Variants in RFX3 observed in about 807,000 individuals in gnomAD.
The protein encoded by RFX3 is transcription factor RFX3.
RFX3 carries 14 observed loss-of-function variants against 98.6 expected under a neutral mutation model. The ratio of observed to expected loss-of-function variants is 0.14; its 90% CI spans 0.09 to 0.22. The LOEUF is 0.22. RFX3 is among the 10% of genes least tolerant of loss of function. RFX3 has a pLI of 1.00. For synonymous variants in RFX3, 383 were observed against 328.4 expected, an observed-to-expected ratio of 1.17 and a Z score of -1.80; for missense variants, 639 against 926.9, an observed-to-expected ratio of 0.69 and a Z score of 4.03.
At chr9:3,258,780 A>G (rs921011913) in intron 13 of RFX3, among the ~76,000 whole-genome samples, 6 of 151,862 alleles carry the variant, frequency 4.0e-5, no homozygotes, top group African/African-American at 1.4e-4. Flanking sequence ...ACATGCATAT[A>G]GAAATAATTT....
chr9:3,445,207 G>T (rs867240556), intron 1 of RFX3, among the ~76,000 whole-genome samples: 97 of 149,916 alleles, frequency 6.5e-4, no homozygotes, highest in African/African-American at 2.1e-3. Flanking sequence ...TTTCAAATGT[G>T]TATTTGTCTG....
At chr9:3,514,302 A>G (rs770053819) in intron 1 of RFX3, among the ~76,000 whole-genome samples, 2 of 152,236 alleles carry the variant, frequency 1.3e-5, no homozygotes, top group Non-Finnish European at 2.9e-5. Flanking sequence ...TGATTGTTCT[A>G]CAACACCAAG....
chr9:3,301,769 T>G, intron 4 of RFX3, 149 bp from the exon 5 acceptor site: 3 of 516,784 alleles, frequency 5.8e-6, no homozygotes, highest in Non-Finnish European at 1.1e-5. Flanking sequence ...TCTCCCCTTC[T>G]TCCCCACCCT....
chr9:3,297,838 G>A (rs981671212), intron 5 of RFX3, among the ~76,000 whole-genome samples: 2 of 151,990 alleles, frequency 1.3e-5, no homozygotes, highest in Admixed American at 1.3e-4. Context: ...TTAAAGAAAT[G>A]TACAACCTTA....
At chr9:3,519,272 G>C (rs1291096963) in intron 1 of RFX3, among the ~76,000 whole-genome samples, 4 of 152,144 alleles carry the variant, frequency 2.6e-5, no homozygotes, top group African/African-American at 7.2e-5. Context: ...AATTCAGTGT[G>C]ATAAGACTGG....
chr9:3,411,549 C>T (rs1265691213), intron 1 of RFX3, among the ~76,000 whole-genome samples: 1 of 151,736 alleles, frequency 6.6e-6, no homozygotes, highest in Non-Finnish European at 1.5e-5. Flanking sequence ...GGGTTTCAGC[C>T]CGGGAAGCCT....
At chr9:3,341,584 A>C (rs1326413637) in intron 3 of RFX3, among the ~76,000 whole-genome samples, 1 of 152,182 alleles carries the variant, frequency 6.6e-6, no homozygotes, top group African/African-American at 2.4e-5. Context: ...GCCACCAAGT[A>C]GTCGGCTCCT....
intron 2 of RFX3, among the ~76,000 whole-genome samples, chr9:3,363,173 G>C (rs1015240030): frequency 2.0e-5 from 3 of 152,158 alleles, no homozygotes; most frequent in African/African-American, 7.2e-5. Flanking sequence ...ACCAGAAAGA[G>C]CAAATGAGCT....
chr9:3,423,095 T>C (rs1159589704), intron 1 of RFX3, among the ~76,000 whole-genome samples: 3 of 152,174 alleles, frequency 2.0e-5, no homozygotes, highest in African/African-American at 7.2e-5. Context: ...TTCCTTAATA[T>C]CAATTTAACA....
At chr9:3,493,698 A>ATATAT (rs1212279203) in intron 1 of RFX3, among the ~76,000 whole-genome samples, 5 of 111,218 alleles carry the variant, frequency 4.5e-5, no homozygotes, top group South Asian at 2.8e-4. Flanking sequence ...AAAAAAAAAA[A>ATATAT]AAATATATAT....
Position 3,504,908 on chromosome 9 carries a change from AT to A in RFX3, c.-9+20838del, listed in dbSNP as rs1201516553. Among the ~76,000 whole-genome samples, 535 of 73,544 alleles carry A rather than the reference AT, an allele frequency of 7.3e-3. 18 individuals carry two copies. Among genetic ancestry groups the A allele is most frequent in the African/African-American group, 0.031 (420 of 13,672 alleles). 48.2% of individuals were successfully genotyped at this position (73,544 alleles called of 152,430 possible). ...ATATAATATAACATATATTATATATATATATAATATAACATATATTATATAT... is the reference window on the plus strand; with the variant it reads ...ATATAATATAACATATATTATATATAATATAATATAACATATATTATATAT... On this transcript the variant is annotated intron_variant, in intron 1 of 16. Coordinates refer to ENST00000617270, the MANE Select transcript of RFX3 (RefSeq NM_001282116.2).
At chr9:3,376,449 T>C (rs891155558) in intron 2 of RFX3, among the ~76,000 whole-genome samples, 1 of 152,080 alleles carries the variant, frequency 6.6e-6, no homozygotes, top group Admixed American at 6.5e-5. Context: ...ATAATAAATA[T>C]TGGTATAATG....
rs145779456 is a variant in RFX3, at chr9:3,249,526, A to G, written c.1815-1341T>C. Among the ~76,000 whole-genome samples, 698 of 152,266 alleles carry G rather than the reference A, an allele frequency of 4.6e-3. 5 individuals carry two copies. The highest frequency in any genetic ancestry group is 6.7e-3 in the Admixed American group (102 of 15,284). On this transcript the variant is annotated intron_variant, in intron 14 of 16. Coordinates refer to ENST00000617270, the MANE Select transcript of RFX3 (RefSeq NM_001282116.2). ...TTATGGATGACTAGAACGCTATTCA[A>G]ATATAAGTGATTGTGATTATAATAC...
In RFX3 at chr9:3,477,620, C is replaced by T. The variant is rs531609743; in HGVS notation, c.-9+48127G>A. Among the ~76,000 whole-genome samples, 14 of 152,242 alleles carry T rather than the reference C, an allele frequency of 9.2e-5. No individual in the cohort carries two copies. The East Asian group carries it at 2.7e-3, about 29-fold the overall frequency. On this transcript the variant is annotated intron_variant, in intron 1 of 16. Coordinates refer to ENST00000617270, the MANE Select transcript of RFX3 (RefSeq NM_001282116.2). ...TTCTTTAAATTCAACTATGATGGGT[C>T]TAGGTATGGATCACTTTGGGCTTAT...
chr9:3,410,161 C>CTGTGTGTGTGTGTGTGTGTGTG lies in RFX3; in HGVS notation c.-8-14587_-8-14566dup, dbSNP rs555349379. On this transcript the variant is annotated intron_variant, in intron 1 of 16. Transcript: ENST00000617270. ...TTAACACGATTTCAAGTGAGATAAA[C>CTGTGTGTGTGTGTGTGTGTGTG]TGTGTGTGTGTGTGTGTGTGTGTGT... 5.3e-3 allele frequency among the ~76,000 whole-genome samples: 610 copies of CTGTGTGTGTGTGTGTGTGTGTG among 114,104 alleles called. 17 individuals are homozygous for CTGTGTGTGTGTGTGTGTGTGTG. The highest frequency in any genetic ancestry group is 0.015 in the East Asian group (47 of 3,220). 74.9% of individuals were successfully genotyped at this position (114,104 alleles called of 152,430 possible).
At chr9:3,288,637 A>C (rs1826946703) in intron 6 of RFX3, among the ~76,000 whole-genome samples, 1 of 152,094 alleles carries the variant, frequency 6.6e-6, no homozygotes, top group African/African-American at 2.4e-5. Context: ...GCCAATAAAA[A>C]TTAGTCAATG....
At chr9:3,521,928 A>G (rs1818755257) in intron 1 of RFX3, among the ~76,000 whole-genome samples, 1 of 152,166 alleles carries the variant, frequency 6.6e-6, no homozygotes, top group Non-Finnish European at 1.5e-5. Context: ...ATTATTTATA[A>G]GAATTGATAA....
intron 1 of RFX3, among the ~76,000 whole-genome samples, chr9:3,486,559 C>T (rs1182372519): frequency 6.6e-6 from 1 of 152,044 alleles, no homozygotes; most frequent in Non-Finnish European, 1.5e-5. Context: ...CCAGAATAAG[C>T]TATGGACAAA....
chr9:3,427,180 G>A (rs774957010), intron 1 of RFX3, among the ~76,000 whole-genome samples: 2 of 145,636 alleles, frequency 1.4e-5, no homozygotes, highest in African/African-American at 5.0e-5. Flanking sequence ...TCTTTTGCAC[G>A]TGCAGTAACT....
Sources: allele counts gnomAD v4.1 joint callset (sites outside exome capture counted in the v4.1 genomes callset), GRCh38; gene constraint gnomAD v4.1.1; transcripts MANE v1.5; gene names NCBI Gene and HGNC (gene_info 2026-07-23, HGNC 2026-07-21).